The following INO80 variants were observed in gnomAD, a reference collection of about 807,000 sequenced individuals.
The protein encoded by INO80 is chromatin-remodeling ATPase INO80.
Under a neutral mutation model 203.4 loss-of-function variants are expected in INO80, and 20 were observed. That is an observed-to-expected ratio of 0.10 (90% confidence interval 0.07 to 0.14). The LOEUF (loss-of-function observed/expected upper bound fraction) is 0.14, where lower values mean the gene tolerates loss of function less well. Ranked by LOEUF, INO80 falls within the 10% of genes least tolerant of loss-of-function variation. The pLI is 1.00. For missense variants in INO80, 1,419 were observed against 1,914.4 expected, an observed-to-expected ratio of 0.74 and a Z score of 4.83; for synonymous variants, 726 against 685.2, an observed-to-expected ratio of 1.06 and a Z score of -0.93.
intron 6 of INO80, among the ~76,000 whole-genome samples, chr15:41,086,349 G>T (rs1245477987): frequency 1.3e-5 from 2 of 152,012 alleles, no homozygotes; most frequent in African/African-American, 4.8e-5. Context: ...GAGCCTTTTT[G>T]AGTACAATTC....
intron 27 of INO80, among the ~76,000 whole-genome samples, chr15:41,015,061 T>C (rs1373722349): frequency 2.6e-5 from 4 of 152,224 alleles, no homozygotes; most frequent in Admixed American, 1.3e-4. Flanking sequence ...AGTTTGTGAT[T>C]ATCTGTTCTC....
intron 1 of INO80, among the ~76,000 whole-genome samples, chr15:41,097,188 G>C (rs1346189047): frequency 1.3e-5 from 2 of 152,158 alleles, no homozygotes; most frequent in African/African-American, 4.8e-5. Flanking sequence ...TGGGATTACA[G>C]GCGCCCACCA....
intron 7 of INO80, 65 bp from the exon 8 acceptor site, chr15:41,081,138 A>G (rs1404030076): frequency 1.9e-6 from 2 of 1,031,818 alleles, no homozygotes; most frequent in African/African-American, 3.2e-5. Flanking sequence ...ATGTAGAATG[A>G]ACAGTCTTTT....
intron 28 of INO80, among the ~76,000 whole-genome samples, chr15:41,003,121 G>GA (rs67045569): frequency 0.21 from 32,152 of 151,130 alleles, 4,400 homozygotes; most frequent in Non-Finnish European, 0.31. Flanking sequence ...CTCTGTCTCA[G>GA]AAAAAACAAA....
chr15:41,101,195 T>A lies in INO80; in HGVS notation c.-43-4842A>T, dbSNP rs540628529. Among the ~76,000 whole-genome samples, 4 of 152,194 alleles carry A rather than the reference T, an allele frequency of 2.6e-5. No individual in the cohort carries two copies. In the South Asian group the frequency reaches 8.3e-4, roughly 31 times the overall value. On this transcript the variant is annotated intron_variant, in intron 1 of 35. Transcript: ENST00000648947. ...CAATTCAGCCTAGTCTTGATTAGCATGTTAAAAGCTGCTGCTGCAATAACC... is the reference window on the plus strand; with the variant it reads ...CAATTCAGCCTAGTCTTGATTAGCAAGTTAAAAGCTGCTGCTGCAATAACC...
chr15:41,074,483 A>C lies in INO80; in HGVS notation c.1214T>G (p.Met405Arg). Residue 405 changes from methionine to arginine, a missense_variant, in exon 10 of 36, where the codon ATG (methionine) becomes AGG (arginine). Met to Arg is a moderately conservative substitution (Grantham distance 91, BLOSUM62 -1). This residue lies in a region of INO80 where 116 missense variants were observed against 119.5 expected (regional missense o/e 0.97). Coordinates refer to ENST00000648947, the MANE Select transcript of INO80 (RefSeq NM_017553.3). ...YAHFMSRKRDMGHDGIQEEIL... is the reference protein window; with the variant it reads ...YAHFMSRKRDRGHDGIQEEIL... ...TTCTTCCTGGATACCATCATGACCC[A>C]TATCTCGTTTGCGACTCATGAAATG... 4.3e-6 allele frequency: 7 copies of C among 1,613,834 alleles called. No individual in the cohort carries two copies. Among genetic ancestry groups the C allele is most frequent in the Non-Finnish European group, 5.9e-6 (7 of 1,179,892 alleles).
intron 29 of INO80, among the ~76,000 whole-genome samples, chr15:40,988,398 T>G (rs1187086299): frequency 6.6e-6 from 1 of 152,242 alleles, no homozygotes; most frequent in East Asian, 1.9e-4. Context: ...TTTTGTAGTT[T>G]AGGAGAATGA....
chr15:41,074,812 T>C (rs2045378663), intron 9 of INO80, among the ~76,000 whole-genome samples: 1 of 152,190 alleles, frequency 6.6e-6, no homozygotes, highest in Non-Finnish European at 1.5e-5. Flanking sequence ...TGGCACGATC[T>C]CGGCTCACTG....
chr15:41,040,985 T>A (rs2044656721), intron 24 of INO80, among the ~76,000 whole-genome samples: 1 of 152,132 alleles, frequency 6.6e-6, no homozygotes, highest in African/African-American at 2.4e-5. Flanking sequence ...TTCAATATCA[T>A]TTTCACAGGA....
intron 22 of INO80, among the ~76,000 whole-genome samples, chr15:41,047,842 T>C (rs1324246738): frequency 6.6e-6 from 1 of 152,170 alleles, no homozygotes; most frequent in East Asian, 1.9e-4. Flanking sequence ...ACCTTGGCCT[T>C]AATATTTTGG....
At chr15:40,997,048 A>C (rs747034166) in intron 29 of INO80, among the ~76,000 whole-genome samples, 3 of 152,186 alleles carry the variant, frequency 2.0e-5, no homozygotes, top group Non-Finnish European at 2.9e-5. Flanking sequence ...AGGCTGAGGC[A>C]GGTGGATCAC....
At chr15:41,064,553 G>C (rs985629491) in intron 14 of INO80, among the ~76,000 whole-genome samples, 1 of 152,104 alleles carries the variant, frequency 6.6e-6, no homozygotes, top group African/African-American at 2.4e-5. Flanking sequence ...GGAAGTTAGA[G>C]ATTATGATGA....
chr15:41,051,937 G>A (rs890159141), intron 19 of INO80, among the ~76,000 whole-genome samples: 6 of 151,952 alleles, frequency 3.9e-5, no homozygotes, highest in African/African-American at 1.2e-4. Context: ...CAGCCTGGTC[G>A]ACAGAGCAAG....
chr15:41,031,510 GGAAGGGGAAGGGAGGAAGGA>G (rs2044462276), intron 24 of INO80, among the ~76,000 whole-genome samples: 2 of 98,960 alleles, frequency 2.0e-5, no homozygotes, highest in African/African-American at 4.0e-5. Context: ...GGAGAAGGAA[GGAAGGGGAAGGGAGGAAGGA>G]GAAGGGAGGA....
intron 24 of INO80, among the ~76,000 whole-genome samples, chr15:41,037,172 A>G (rs1368462392): frequency 1.5e-5 from 2 of 129,490 alleles, no homozygotes; most frequent in African/African-American, 5.4e-5. Flanking sequence ...GAACAAAAAG[A>G]GAGAGAAAGA....
At chr15:41,089,894 C>G (rs1014046892) in intron 5 of INO80, among the ~76,000 whole-genome samples, 1 of 152,160 alleles carries the variant, frequency 6.6e-6, no homozygotes, top group African/African-American at 2.4e-5. Flanking sequence ...CATGAATAAG[C>G]AACACTAGAA....
rs1305061625 is a variant in INO80, at chr15:40,983,030, G to T, written c.4285C>A (p.Arg1429=). ...GAACCTTTGGGGCGGCCTCGGCTTC[G>T]GGCTGAGTGACCACGTCCTGCAGCT... ...MPAAGRGHSA[R]SRGRPKGSGS... is the part of the protein sequence containing the mutation. The change falls in exon 35 of 36, where the codon CGA becomes AGA. Residue 1429 remains arginine (R), a synonymous_variant. Transcript: ENST00000648947. 1 of 1,613,788 alleles carries T rather than the reference G, an allele frequency of 6.2e-7. No homozygotes were observed.
chr15:41,008,539 T>G, intron 27 of INO80, among the ~76,000 whole-genome samples: 1 of 152,212 alleles, frequency 6.6e-6, no homozygotes, highest in East Asian at 1.9e-4. Context: ...TATTGTATCG[T>G]ATATGTGAAC....
rs1324091872 is a variant in INO80, at chr15:40,979,136, AATCT to A, written c.*1083_*1086del. The A allele has an allele frequency of 2.6e-5, 4 of 152,608 alleles. No homozygotes were observed. Among genetic ancestry groups the A allele is most frequent in the African/African-American group, 9.6e-5 (4 of 41,452 alleles). The allele number at this position is 152,608 out of a possible 1,614,324, so 9.5% of individuals were successfully genotyped here. ...CTACTCCAAAAAAGTTTTAAAAATC[AATCT>A]ATCGAAACTCAATTCCGCGATTTTC... On this transcript the variant is annotated 3_prime_UTR_variant, in exon 36 of 36. Transcript: ENST00000648947.
Sources: gnomAD v4.1 joint callset for allele counts (sites outside exome capture counted in the v4.1 genomes callset) on GRCh38, gnomAD v4.1.1 for gene constraint, gnomAD v4.1.1 regional missense constraint, MANE v1.5 for transcripts, NCBI Gene and HGNC (gene_info 2026-07-23, HGNC 2026-07-21) for gene names.